The following ATM variants were observed in gnomAD, a reference collection of about 807,000 sequenced individuals.
ATM encodes serine-protein kinase ATM.
A neutral mutation model predicts 387.0 loss-of-function variants in ATM; 308 were observed. The ratio of observed to expected loss-of-function variants is 0.80; its 90% CI spans 0.73 to 0.87. The LOEUF (loss-of-function observed/expected upper bound fraction) is 0.87, where lower values mean the gene tolerates loss of function less well. ATM is among the 40% of genes least tolerant of loss of function. The pLI, the probability that ATM is intolerant of heterozygous loss-of-function variation, is 0.00. For missense variants in ATM, 3,312 were observed against 3,560.9 expected, an observed-to-expected ratio of 0.93 and a Z score of 1.78; for synonymous variants, 1,156 against 1,187.3, an observed-to-expected ratio of 0.97 and a Z score of 0.54.
rs569243605 is a variant in ATM at position 108,266,922 on chromosome 11, A to T, written c.2467-249A>T. Among the ~76,000 whole-genome samples the T allele has an allele frequency of 4.6e-5, 7 of 151,052 alleles. 1 individual carries two copies. Among genetic ancestry groups the T allele is most frequent in the Middle Eastern group, 3.5e-3 (1 of 288 alleles). On this transcript the variant is annotated intron_variant, in intron 16 of 62. Transcript: ENST00000675843. The stretch of plus-strand genomic sequence containing the variant: ...GTGATTCTCCTGCCTCAGCTTCCTG[A>T]GTAGCTGGGATTACAGGTGCCCACC...
intron 59 of ATM, among the ~76,000 whole-genome samples, chr11:108,351,564 T>G (rs1053732455): frequency 6.6e-6 from 1 of 152,210 alleles, no homozygotes; most frequent in Admixed American, 6.5e-5. Context: ...AAGACTCAGC[T>G]GGGCCAGAGT....
chr11:108,227,366 G>A (rs2078791858), intron 1 of ATM: 2 of 424,514 alleles, frequency 4.7e-6, no homozygotes, highest in South Asian at 3.2e-5. Flanking sequence ...AAACATTTTT[G>A]TGTTACAGCA....
chr11:108,253,804 T>G lies in ATM; in HGVS notation c.1899-10T>G, dbSNP rs763685190. The G allele has an allele frequency of 1.4e-5, 23 of 1,607,118 alleles. No individual in the cohort carries two copies. Among genetic ancestry groups the G allele is most frequent in the Non-Finnish European group, 1.9e-5 (22 of 1,174,864 alleles). On this transcript the variant is annotated splice_polypyrimidine_tract_variant and intron_variant, in intron 12 of 62. Transcript: ENST00000675843. The stretch of plus-strand genomic sequence containing the variant: ...TTGGTTTATATATTAAAGATCTTAC[T>G]TTCTTGAAGTGAACACCACCAAAAA...
rs863224575 is a variant in ATM, at chr11:108,315,902, C to T, written c.6086C>T (p.Pro2029Leu). Residue 2029 changes from proline (P) to leucine (L), a missense_variant, in exon 41 of 63, where the codon CCC (proline) becomes CTC (leucine). Coordinates refer to ENST00000675843, the MANE Select transcript of ATM (RefSeq NM_000051.4). Reference sequence around the variant, plus strand: ...TGTGGTGGAGGGAAGATGTTACAACCCATTACTAGGTAAATTGCATTTTTC... The same window carrying T: ...TGTGGTGGAGGGAAGATGTTACAACTCATTACTAGGTAAATTGCATTTTTC... ...YGCGGGKMLQ[P>L]ITRLRTYEHE... 6.2e-7 allele frequency: 1 copy of T among 1,610,878 alleles called. No individual in the cohort carries two copies. Among genetic ancestry groups the T allele is most frequent in the African/African-American group, 1.3e-5 (1 of 74,920 alleles).
intron 40 of ATM, among the ~76,000 whole-genome samples, chr11:108,315,291 A>G (rs909215462): frequency 3.3e-5 from 5 of 152,260 alleles, no homozygotes; most frequent in Non-Finnish European, 5.9e-5. Context: ...ATCTTATGCA[A>G]TTATGATTTA....
intron 1 of ATM, chr11:108,224,666 CAGTT>C (rs917816840): frequency 7.2e-5 from 11 of 152,114 alleles, no homozygotes; most frequent in African/African-American, 2.7e-4. Context: ...TGATTGGCAC[CAGTT>C]AGTTCAGATC....
intron 45 of ATM, among the ~76,000 whole-genome samples, chr11:108,323,485 T>C (rs1367544160): frequency 6.6e-6 from 1 of 152,132 alleles, no homozygotes; most frequent in African/African-American, 2.4e-5. Flanking sequence ...TAGTGTTTGA[T>C]AGCACAATAG....
chr11:108,272,952 A>G (rs550902316), intron 22 of ATM, 100 bp downstream of exon 22: 1 of 1,457,186 alleles, frequency 6.9e-7, no homozygotes, highest in Admixed American at 1.7e-5. Flanking sequence ...AAAATAGCTA[A>G]CACTTGTTGA....
chr11:108,250,636 T>C, intron 9 of ATM, 65 bp from the exon 10 acceptor site: 1 of 1,480,050 alleles, frequency 6.8e-7, no homozygotes, highest in Non-Finnish European at 9.3e-7. Context: ...CATGTCTATA[T>C]ATTTCCTTTT....
At chr11:108,357,347 A>C (rs534442617) in intron 61 of ATM, among the ~76,000 whole-genome samples, 12 of 152,316 alleles carry the variant, frequency 7.9e-5, no homozygotes, top group African/African-American at 2.9e-4. Context: ...TCAAACTGCA[A>C]GGTGGCAGCG....
rs1426256662 is a variant in ATM, at chr11:108,271,087, T to G, written c.2862T>G (p.Leu954=). The change falls in exon 19 of 63, where the codon CTT becomes CTG. Residue 954 remains leucine, a synonymous_variant. Coordinates refer to ENST00000675843, the MANE Select transcript of ATM (RefSeq NM_000051.4). ...LHMYLMLLKE[L]PGEEYPLPME... ...AGTATCTAATGCTTTTAAAGGAGCT[T>G]CCTGGAGAAGAGTACCCCTTGCCAA... 6.2e-7 allele frequency: 1 copy of G among 1,614,128 alleles called. No individual in the cohort carries two copies. The highest frequency in any genetic ancestry group is 8.5e-7 in the Non-Finnish European group (1 of 1,180,016).
intron 58 of ATM, among the ~76,000 whole-genome samples, chr11:108,346,902 GACTTCTCATTTT>G (rs754726026): frequency 1.3e-5 from 2 of 152,054 alleles, no homozygotes; most frequent in Non-Finnish European, 2.9e-5. Context: ...TTTATCCATA[GACTTCTCATTTT>G]ATAAGTATGT....
At chr11:108,322,236 T>C (rs2085287694) in intron 45 of ATM, among the ~76,000 whole-genome samples, 1 of 151,962 alleles carries the variant, frequency 6.6e-6, no homozygotes, top group Admixed American at 6.6e-5. Flanking sequence ...CTCACTGCAG[T>C]CTCCACCTCC....
chr11:108,288,954 A>G (rs775739246), intron 27 of ATM, 23 bp from the exon 28 acceptor site: 2 of 1,613,260 alleles, frequency 1.2e-6, no homozygotes, highest in Non-Finnish European at 8.5e-7. Context: ...CGATGACTGT[A>G]TTTTTTCCCT....
rs2135035299 is a variant in ATM at position 108,229,244 on chromosome 11, C to G, written c.252C>G (p.Ala84=). 6.2e-7 allele frequency: 1 copy of G among 1,613,652 alleles called. No homozygotes were observed. Among genetic ancestry groups the G allele is most frequent in the Non-Finnish European group, 8.5e-7 (1 of 1,179,778 alleles). The change falls in exon 4 of 63, where the codon GCC becomes GCG. Residue 84 remains alanine, a synonymous_variant. Coordinates refer to ENST00000675843, the MANE Select transcript of ATM (RefSeq NM_000051.4). ...CLRIAKPNVS[A]STQASRQKKM... ...GAATAGCAAAACCAAATGTATCAGC[C>G]TCAACACAAGCCTCCAGGCAGAAAA...
At chr11:108,313,015 G>A (rs190707426) in intron 40 of ATM, among the ~76,000 whole-genome samples, 87 of 152,102 alleles carry the variant, frequency 5.7e-4, no homozygotes, top group Non-Finnish European at 1.5e-4. Flanking sequence ...CTTCTATGCC[G>A]CTGCTTTCAG....
In ATM at chr11:108,284,252, C is replaced by A. The variant is rs587782741; in HGVS notation, c.3772C>A (p.His1258Asn). The change falls in exon 26 of 63, where the codon CAT (histidine) becomes AAT (asparagine). Residue 1258 changes from histidine (H) to asparagine (N), a missense_variant. By Grantham distance (68) the His-to-Asn change is moderately conservative. Around this residue, in one of 4 missense-constraint regions of ATM, gnomAD observed 1,791 missense variants for 1,804.5 expected, o/e 0.99. Transcript: ENST00000675843. ...ATCTTGTTATAAGGTTTTGATTCCA[C>A]ATCTGGTGATTAGAAGTCATTTTGA... ...YRSCYKVLIP[H>N]LVIRSHFDEV... 6 of 1,611,212 alleles carry A rather than the reference C, an allele frequency of 3.7e-6. No homozygotes were observed. Among genetic ancestry groups the A allele is most frequent in the Middle Eastern group, 1.7e-4 (1 of 6,054 alleles).
rs1286401057 is a variant in ATM at position 108,366,729 on chromosome 11, C to T, written c.*1221C>T. On this transcript the variant is annotated 3_prime_UTR_variant, in exon 63 of 63. Transcript: ENST00000675843. ...TTCCCAGGCCAAGGCAAACACACTT[C>T]CTCCTCATCTCCTTGTGCTAGTGGG... 1 of 230,728 alleles carries T rather than the reference C, an allele frequency of 4.3e-6. No individual in the cohort carries two copies. The highest frequency in any genetic ancestry group is 8.6e-6 in the Non-Finnish European group (1 of 116,584). The allele number at this position is 230,728 out of a possible 1,614,324, so 14.3% of individuals were successfully genotyped here.
rs1281584977 is a variant in ATM at position 108,325,413 on chromosome 11, C to CT, written c.6677dup (p.Arg2227ThrfsTer22). ...TAGTTTTCAGGAGCCTATCATGGCTCTACGCACAGTCATTTTGGAGATCCT... is the reference window on the plus strand; with the variant it reads ...TAGTTTTCAGGAGCCTATCATGGCTCTTACGCACAGTCATTTTGGAGATCCT... On this transcript the variant is annotated frameshift_variant, in exon 46 of 63. Coordinates refer to ENST00000675843, the MANE Select transcript of ATM (RefSeq NM_000051.4). LOFTEE classifies it high-confidence loss of function. The CT allele has an allele frequency of 6.2e-7, 1 of 1,613,766 alleles. No homozygotes were observed. Among genetic ancestry groups the CT allele is most frequent in the Non-Finnish European group, 8.5e-7 (1 of 1,179,864 alleles).
Sources: allele counts gnomAD v4.1 joint callset (sites outside exome capture counted in the v4.1 genomes callset), GRCh38; gene constraint gnomAD v4.1.1; regional missense constraint gnomAD v4.1.1; transcripts MANE v1.5; gene names NCBI Gene and HGNC (gene_info 2026-07-23, HGNC 2026-07-21).